The following GAS2 variants were observed in gnomAD, a reference collection of about 807,000 sequenced individuals.
The protein encoded by GAS2 is growth arrest-specific protein 2.
GAS2 carries 20 observed loss-of-function variants against 37.5 expected under a neutral mutation model. The observed-to-expected ratio is 0.53, with a 90% confidence interval of 0.37 to 0.77. The LOEUF (loss-of-function observed/expected upper bound fraction) is 0.77, where lower values mean the gene tolerates loss of function less well. GAS2 is among the 30% of genes least tolerant of loss of function. The pLI, the probability that GAS2 is intolerant of heterozygous loss-of-function variation, is 0.00. For missense variants in GAS2, 336 were observed against 373.4 expected (o/e 0.90, Z 0.82); for synonymous variants, 144 against 132.2 (o/e 1.09, Z -0.61).
At chr11:22,804,246 C>T (rs1441285032) in intron 7 of GAS2, among the ~76,000 whole-genome samples, 1 of 151,916 alleles carries the variant, frequency 6.6e-6, no homozygotes, top group East Asian at 1.9e-4. Context: ...GTTAGAATGG[C>T]AAAACTTAAC....
At chr11:22,764,207 A>G (rs10734320) in intron 7 of GAS2, among the ~76,000 whole-genome samples, 136,719 of 152,212 alleles carry the variant, frequency 0.9, 63,138 homozygotes, top group East Asian at 1. Flanking sequence ...AAAATTCAAA[A>G]CAAACTGTCA....
rs568802224 is a variant in GAS2, at chr11:22,673,924, A to T, written c.-20-926A>T. On this transcript the variant is annotated intron_variant, in intron 1 of 7. Transcript: ENST00000454584. ...ACTTCTACTCTAAAGATACTTTCAA[A>T]CAAAACGCAGCATGTAAAACAAATA... 7.9e-5 allele frequency among the ~76,000 whole-genome samples: 12 copies of T among 152,384 alleles called. No individual in the cohort carries two copies. The South Asian group carries it at 1.4e-3, about 18-fold the overall frequency.
chr11:22,648,876 A>G (rs571172089), intron 1 of GAS2, among the ~76,000 whole-genome samples: 2 of 152,194 alleles, frequency 1.3e-5, no homozygotes, highest in East Asian at 3.9e-4. Flanking sequence ...GGACAATTTG[A>G]CTTCATCTTT....
intron 7 of GAS2, among the ~76,000 whole-genome samples, chr11:22,789,266 A>G (rs1440481987): frequency 7.3e-6 from 1 of 137,664 alleles, no homozygotes; most frequent in African/African-American, 2.7e-5. Flanking sequence ...TTCCTGGGGC[A>G]GTATGCCTAG....
intron 5 of GAS2, among the ~76,000 whole-genome samples, chr11:22,741,930 A>C (rs1427388142): frequency 1.3e-5 from 2 of 152,112 alleles, no homozygotes; most frequent in Non-Finnish European, 2.9e-5. Flanking sequence ...TAGGATCCAG[A>C]TGTCTTTTGT....
chr11:22,811,206 A>G (rs1857144380), intron 7 of GAS2, among the ~76,000 whole-genome samples: 1 of 152,208 alleles, frequency 6.6e-6, no homozygotes, highest in Non-Finnish European at 1.5e-5. Context: ...GACATATTCT[A>G]CGATAATTAG....
intron 7 of GAS2, among the ~76,000 whole-genome samples, chr11:22,780,412 T>C (rs147349844): frequency 0.011 from 1,741 of 152,100 alleles, 32 homozygotes; most frequent in African/African-American, 0.04. Context: ...GGAGAATTGC[T>C]TGAACCTGGG....
At chr11:22,683,730 T>A (rs1849810507) in intron 2 of GAS2, among the ~76,000 whole-genome samples, 1 of 152,108 alleles carries the variant, frequency 6.6e-6, no homozygotes, top group African/African-American at 2.4e-5. Context: ...TTTCTCAAAG[T>A]TTTCTAGCAG....
At chr11:22,637,827 A>G (rs1216067772) in intron 1 of GAS2, among the ~76,000 whole-genome samples, 1 of 148,610 alleles carries the variant, frequency 6.7e-6, no homozygotes, top group Non-Finnish European at 1.5e-5. Flanking sequence ...TATTTTATAT[A>G]TATTTGAAGC....
chr11:22,671,685 A>T (rs947950327), intron 1 of GAS2, among the ~76,000 whole-genome samples: 12 of 152,266 alleles, frequency 7.9e-5, no homozygotes, highest in African/African-American at 2.6e-4. Context: ...GATGTAATTC[A>T]TCTGATCCAT....
chr11:22,649,708 G>T (rs1162804477), intron 1 of GAS2, among the ~76,000 whole-genome samples: 1 of 152,156 alleles, frequency 6.6e-6, no homozygotes, highest in Non-Finnish European at 1.5e-5. Context: ...TTTGCATAGA[G>T]GTGTTTGTAG....
intron 7 of GAS2, among the ~76,000 whole-genome samples, chr11:22,792,608 G>A (rs2134584634): frequency 6.6e-6 from 1 of 152,288 alleles, no homozygotes; most frequent in African/African-American, 2.4e-5. Flanking sequence ...ATTTCAGCAG[G>A]CAGTTTGTAG....
chr11:22,706,526 T>G (rs1851130171), intron 3 of GAS2, among the ~76,000 whole-genome samples: 1 of 149,928 alleles, frequency 6.7e-6, no homozygotes, highest in South Asian at 2.2e-4. Context: ...GATGTTCCCC[T>G]TCCTGTGTCC....
At chr11:22,696,625 G>A (rs1273774475) in intron 3 of GAS2, among the ~76,000 whole-genome samples, 3 of 151,616 alleles carry the variant, frequency 2.0e-5, no homozygotes, top group Non-Finnish European at 4.4e-5. Flanking sequence ...ACTTTTTAAT[G>A]ATTGCCATTC....
intron 7 of GAS2, among the ~76,000 whole-genome samples, chr11:22,783,081 C>G (rs944768608): frequency 1.3e-5 from 2 of 152,048 alleles, no homozygotes; most frequent in African/African-American, 2.4e-5. Flanking sequence ...TGTAAATGTC[C>G]CCTTTTCTCT....
At chr11:22,760,522 A>G (rs974285727) in intron 7 of GAS2, among the ~76,000 whole-genome samples, 2 of 152,218 alleles carry the variant, frequency 1.3e-5, no homozygotes, top group Non-Finnish European at 2.9e-5. Flanking sequence ...ACGCAATTCA[A>G]AATCATTTGC....
At chr11:22,773,595 G>A (rs946499884) in intron 7 of GAS2, among the ~76,000 whole-genome samples, 2 of 151,554 alleles carry the variant, frequency 1.3e-5, no homozygotes, top group Non-Finnish European at 2.9e-5. Flanking sequence ...GGGTTTCACC[G>A]TGTCACACCT....
chr11:22,722,309 A>C (rs905515603), intron 3 of GAS2, among the ~76,000 whole-genome samples: 29 of 151,960 alleles, frequency 1.9e-4, no homozygotes, highest in Non-Finnish European at 1.6e-4. Context: ...TTTAGAAGCT[A>C]TAAGTATGTA....
At chr11:22,709,005 CAG>C (rs1421400637) in intron 3 of GAS2, among the ~76,000 whole-genome samples, 3 of 152,072 alleles carry the variant, frequency 2.0e-5, no homozygotes, top group Admixed American at 6.6e-5. Context: ...CTACAGGAGA[CAG>C]AGGGCCCATG....
Sources: gnomAD v4.1 joint callset for allele counts (sites outside exome capture counted in the v4.1 genomes callset) on GRCh38, gnomAD v4.1.1 for gene constraint, MANE v1.5 for transcripts, NCBI Gene and HGNC (gene_info 2026-07-23, HGNC 2026-07-21) for gene names.